C2CD5: variants seen among roughly 807,000 people sequenced by gnomAD.
The protein encoded by C2CD5 is C2 domain-containing protein 5.
Under a neutral mutation model 130.3 loss-of-function variants are expected in C2CD5, and 109 were observed. The observed-to-expected ratio is 0.84, with a 90% CI of 0.72 to 0.98. C2CD5 has a LOEUF of 0.98. Ranked by LOEUF, C2CD5 falls within the 50% of genes least tolerant of loss-of-function variation. C2CD5 has a pLI of 0.00. For synonymous variants in C2CD5, 454 were observed against 429.2 expected (o/e 1.06, Z -0.71); for missense variants, 996 against 1,261.8 (o/e 0.79, Z 3.19).
rs776573120 is a variant in C2CD5 at position 22,471,457 on chromosome 12, GGGATCA to G, written c.2294_2299del (p.Met765_Pro767delinsThr). The G allele has an allele frequency of 6.3e-7, 1 of 1,597,632 alleles. No individual in the cohort carries two copies. The highest frequency in any genetic ancestry group is 8.6e-7 in the Non-Finnish European group (1 of 1,166,724). On this transcript the variant is annotated inframe_deletion, in exon 20 of 27. Transcript: ENST00000446597. Reference sequence around the variant, plus strand: ...AAAATTTACATGGCAAAGGCAGCAGGGGATCATAGATCGTAGTTTAAAGTACAGGCT... The same window carrying G: ...AAAATTTACATGGCAAAGGCAGCAGGTAGATCGTAGTTTAAAGTACAGGCT...
Position 22,544,315 on chromosome 12 carries a change from C to G in C2CD5, c.-30+5G>C. ...CCGGCAGTCGCGCCACGGGTCGCCA[C>G]TCACTGTCGCAGGAGGAAGGGTGCT... On this transcript the variant is annotated splice_donor_5th_base_variant and intron_variant, in intron 1 of 26. Transcript: ENST00000446597. 1 of 542,962 alleles carries G rather than the reference C, an allele frequency of 1.8e-6. No individual in the cohort carries two copies. 33.6% of individuals were successfully genotyped at this position (542,962 alleles called of 1,614,324 possible).
At chr12:22,487,197 T>G (rs1456097374) in intron 12 of C2CD5, among the ~76,000 whole-genome samples, 5 of 152,100 alleles carry the variant, frequency 3.3e-5, no homozygotes, top group Admixed American at 6.5e-5. Flanking sequence ...AAGCCAAAAT[T>G]GACAAATGGG....
intron 17 of C2CD5, 98 bp from the exon 18 acceptor site, chr12:22,472,445 C>T (rs1943190519): frequency 2.9e-6 from 2 of 689,798 alleles, no homozygotes; most frequent in Non-Finnish European, 2.5e-6. Context: ...CTAACTATAA[C>T]ACCCTTCATT....
chr12:22,500,412 C>T (rs1348062015), intron 10 of C2CD5, among the ~76,000 whole-genome samples: 3 of 152,142 alleles, frequency 2.0e-5, no homozygotes, highest in African/African-American at 7.2e-5. Flanking sequence ...TATGCATAAA[C>T]ATGGGTCCAA....
chr12:22,453,202 C>A (rs1404448378), intron 26 of C2CD5, among the ~76,000 whole-genome samples: 1 of 152,074 alleles, frequency 6.6e-6, no homozygotes, highest in Non-Finnish European at 1.5e-5. Context: ...TTAGGGGAGT[C>A]ACTTGGGTCA....
chr12:22,461,291 T>G (rs537793429), intron 22 of C2CD5, among the ~76,000 whole-genome samples: 1 of 152,194 alleles, frequency 6.6e-6, no homozygotes, highest in Non-Finnish European at 1.5e-5. Context: ...TTACAGAACA[T>G]ATAGCTGGCA....
At chr12:22,524,323 T>A in intron 6 of C2CD5, 149 bp downstream of exon 6, 1 of 632,766 alleles carries the variant, frequency 1.6e-6, no homozygotes, top group Admixed American at 3.1e-5. Context: ...GCAATGCAAG[T>A]GTGTTCAGGA....
chr12:22,535,214 C>T (rs753493910), intron 3 of C2CD5, 44 bp downstream of exon 3: 1 of 1,042,792 alleles, frequency 9.6e-7, no homozygotes, highest in Non-Finnish European at 1.5e-6. Flanking sequence ...AAAAGAGTCA[C>T]CTCAAAAAAA....
intron 15 of C2CD5, among the ~76,000 whole-genome samples, chr12:22,475,429 G>A (rs1214379610): frequency 6.6e-6 from 1 of 152,000 alleles, no homozygotes; most frequent in African/African-American, 2.4e-5. Context: ...ATAAACATTG[G>A]TACTTACAAT....
chr12:22,515,681 TTTAATA>T (rs1272369912), intron 8 of C2CD5, among the ~76,000 whole-genome samples: 13 of 152,124 alleles, frequency 8.5e-5, no homozygotes, highest in African/African-American at 3.1e-4. Context: ...CAGTATTAAT[TTTAATA>T]TTAACTTCTG....
chr12:22,482,590 G>C lies in C2CD5; in HGVS notation c.1704C>G (p.Ile568Met), dbSNP rs1177221056. Residue 568 changes from isoleucine (I) to methionine (M), a missense_variant, in exon 14 of 27, where the codon ATC (isoleucine) becomes ATG (methionine). Transcript: ENST00000446597. ...MNALFGLRIQITVGENMLMGL... is the reference protein window; with the variant it reads ...MNALFGLRIQMTVGENMLMGL... ...CCATCAACATATTTTCACCCACTGT[G>C]ATCTGAATTCTTAGTCCAAACAAAG... 6.2e-7 allele frequency: 1 copy of C among 1,613,790 alleles called. No individual in the cohort carries two copies. Among genetic ancestry groups the C allele is most frequent in the South Asian group, 1.1e-5 (1 of 91,072 alleles).
chr12:22,517,472 T>C (rs1223180025), intron 8 of C2CD5, among the ~76,000 whole-genome samples: 2 of 151,908 alleles, frequency 1.3e-5, no homozygotes, highest in African/African-American at 4.8e-5. Flanking sequence ...TAAGTAAAAA[T>C]GCTATTTTCT....
intron 7 of C2CD5, among the ~76,000 whole-genome samples, chr12:22,519,411 G>A (rs1309959900): frequency 6.6e-6 from 1 of 152,044 alleles, no homozygotes. Context: ...ATATTAATTT[G>A]TTAGGATACA....
chr12:22,457,146 T>G lies in C2CD5; in HGVS notation c.2702A>C (p.Lys901Thr). Reference protein sequence around the residue: ...GSIKTTMTVEKASPVGDGNFR... With the variant: ...GSIKTTMTVETASPVGDGNFR... ...ATTTCCATCACCCACTGGACTTGCTTTTTCAACTGTCATGGCTAAAATTGG... is the reference window on the plus strand; with the variant it reads ...ATTTCCATCACCCACTGGACTTGCTGTTTCAACTGTCATGGCTAAAATTGG... Residue 901 changes from lysine to threonine, a missense_variant, in exon 25 of 27, where the codon AAA becomes ACA. Lys to Thr is a moderately conservative substitution (Grantham distance 78). This residue lies in a region of C2CD5 where 590 missense variants were observed against 631.4 expected (regional missense o/e 0.93). Transcript: ENST00000446597. 1 of 1,601,024 alleles carries G rather than the reference T, an allele frequency of 6.2e-7. No individual in the cohort carries two copies. Among genetic ancestry groups the G allele is most frequent in the Non-Finnish European group, 8.5e-7 (1 of 1,175,038 alleles).
chr12:22,486,810 GCCTT>G (rs1945590945), intron 12 of C2CD5, among the ~76,000 whole-genome samples: 1 of 152,120 alleles, frequency 6.6e-6, no homozygotes, highest in Non-Finnish European at 1.5e-5. Context: ...CAAAATTTAA[GCCTT>G]CCTTAAACTG....
intron 7 of C2CD5, among the ~76,000 whole-genome samples, chr12:22,520,549 A>G (rs1163571503): frequency 6.6e-6 from 1 of 152,178 alleles, no homozygotes; most frequent in Non-Finnish European, 1.5e-5. Context: ...TTCATTGGTG[A>G]TCTACTTTTA....
chr12:22,523,720 A>G, intron 6 of C2CD5, 96 bp from the exon 7 acceptor site: 1 of 879,108 alleles, frequency 1.1e-6, no homozygotes, highest in East Asian at 2.4e-5. Context: ...AAAAAGACCA[A>G]GAAAATCACA....
At chr12:22,463,030 G>A (rs1941452183) in intron 22 of C2CD5, among the ~76,000 whole-genome samples, 1 of 151,584 alleles carries the variant, frequency 6.6e-6, no homozygotes, top group Non-Finnish European at 1.5e-5. Flanking sequence ...GCTGCAGTGA[G>A]CCAAGATCGC....
chr12:22,480,803 A>ATT (rs769196605), intron 14 of C2CD5, among the ~76,000 whole-genome samples: 23 of 145,624 alleles, frequency 1.6e-4, no homozygotes, highest in African/African-American at 2.8e-4. Context: ...TATAAAAGAA[A>ATT]TTTTTTTTTT....
Sources: gnomAD v4.1 joint callset for allele counts (sites outside exome capture counted in the v4.1 genomes callset) on GRCh38, gnomAD v4.1.1 for gene constraint, gnomAD v4.1.1 regional missense constraint, MANE v1.5 for transcripts, NCBI Gene and HGNC (gene_info 2026-07-23, HGNC 2026-07-21) for gene names.